The following GPR158 variants were observed in gnomAD, a reference collection of about 807,000 sequenced individuals.
The protein encoded by GPR158 is G protein-coupled receptor 158, also known as metabotropic glycine receptor.
In GPR158, 30 loss-of-function variants were observed where a neutral mutation model predicts 78.2. The observed-to-expected ratio is 0.38, with a 90% CI of 0.29 to 0.52. GPR158 has a LOEUF of 0.52. GPR158 is among the 20% of genes least tolerant of loss of function. GPR158 has a pLI of 0.83. For missense variants in GPR158, 1,463 were observed against 1,523.5 expected, an observed-to-expected ratio of 0.96 and a Z score of 0.66; for synonymous variants, 581 against 591.1, an observed-to-expected ratio of 0.98 and a Z score of 0.25.
chr10:25,525,989 C>A (rs955885121), intron 5 of GPR158, among the ~76,000 whole-genome samples: 1 of 151,370 alleles, frequency 6.6e-6, no homozygotes, highest in Admixed American at 6.6e-5. Flanking sequence ...GCTTGTAAAC[C>A]TAGCTACTTG....
intron 1 of GPR158, among the ~76,000 whole-genome samples, chr10:25,198,517 T>G (rs1213274696): frequency 1.3e-5 from 2 of 152,198 alleles, no homozygotes; most frequent in Non-Finnish European, 2.9e-5. Context: ...GTTACATTCT[T>G]GGAAAATAGA....
rs1239379922 is a variant in GPR158 at position 25,580,928 on chromosome 10, A to ATTT, written c.1753+8046_1753+8048dup. The stretch of plus-strand genomic sequence containing the variant: ...TTTTTATTTTATTTTATTTTATTTT[A>ATTT]TTTTTTTGAGACGGAGTCTCGCTCT... On this transcript the variant is annotated intron_variant, in intron 7 of 10. Coordinates refer to ENST00000376351, the MANE Select transcript of GPR158 (RefSeq NM_020752.3). Among the ~76,000 whole-genome samples the ATTT allele has an allele frequency of 1.4e-4, 16 of 115,932 alleles. 1 individual carries two copies. The highest frequency in any genetic ancestry group is 6.9e-4 in the African/African-American group (16 of 23,126). The allele number at this position is 115,932 out of a possible 152,430, so 76.1% of individuals were successfully genotyped here.
intron 2 of GPR158, among the ~76,000 whole-genome samples, chr10:25,391,219 G>A (rs1161032922): frequency 1.4e-5 from 1 of 73,480 alleles, no homozygotes; most frequent in Non-Finnish European, 3.3e-5. Context: ...GAAGGAAAAT[G>A]TGGGTGGGAA....
intron 4 of GPR158, among the ~76,000 whole-genome samples, chr10:25,439,365 A>G (rs1201695170): frequency 1.3e-5 from 2 of 152,168 alleles, no homozygotes; most frequent in East Asian, 3.9e-4. Flanking sequence ...AGCCGCCCCC[A>G]TGATTCAATT....
At position 25,599,399 on chromosome 10, in the gene GPR158, G is replaced by A. The variant is rs1837461937; in HGVS notation, c.*125G>A. 4.0e-6 allele frequency: 3 copies of A among 750,744 alleles called. No homozygotes were observed. Among genetic ancestry groups the A allele is most frequent in the Middle Eastern group, 3.0e-4 (1 of 3,294 alleles). The allele number at this position is 750,744 out of a possible 1,614,324, so 46.5% of individuals were successfully genotyped here. On this transcript the variant is annotated 3_prime_UTR_variant, in exon 11 of 11. Transcript: ENST00000376351. ...AAAACATGACAGATGGTGAGGTAAA[G>A]TCAAAGGCATGGGTAGAAGAGGACC...
At chr10:25,324,662 G>C (rs1365299399) in intron 2 of GPR158, among the ~76,000 whole-genome samples, 1 of 152,130 alleles carries the variant, frequency 6.6e-6, no homozygotes, top group African/African-American at 2.4e-5. Context: ...TCAATGCATA[G>C]TTGCCACAAA....
At chr10:25,580,907 T>C (rs1306154599) in intron 7 of GPR158, among the ~76,000 whole-genome samples, 4 of 96,104 alleles carry the variant, frequency 4.2e-5, no homozygotes, top group African/African-American at 2.3e-4. Context: ...TTTATTTTTT[T>C]ATTTTATTTT....
chr10:25,497,806 G>A (rs1288970604), intron 5 of GPR158, among the ~76,000 whole-genome samples: 2 of 152,164 alleles, frequency 1.3e-5, no homozygotes, highest in Admixed American at 6.5e-5. Flanking sequence ...AGGGAACAAA[G>A]AAGAGTACCC....
Position 25,466,640 on chromosome 10 carries a change from T to G in GPR158, c.1336-11T>G, listed in dbSNP as rs747874403. Reference sequence around the variant, plus strand: ...TAAGTTAGTAATGACGTTTTTATTTTGTTTTTTCAGAGCATCCGGGCATCG... The same window carrying G: ...TAAGTTAGTAATGACGTTTTTATTTGGTTTTTTCAGAGCATCCGGGCATCG... On this transcript the variant is annotated splice_polypyrimidine_tract_variant and intron_variant, in intron 4 of 10. Coordinates refer to ENST00000376351, the MANE Select transcript of GPR158 (RefSeq NM_020752.3). The G allele has an allele frequency of 6.3e-7, 1 of 1,589,064 alleles. No individual in the cohort carries two copies. The highest frequency in any genetic ancestry group is 1.7e-5 in the Admixed American group (1 of 57,338).
intron 2 of GPR158, among the ~76,000 whole-genome samples, chr10:25,261,218 C>T (rs573699657): frequency 3.3e-5 from 5 of 152,258 alleles, no homozygotes; most frequent in Non-Finnish European, 7.4e-5. Flanking sequence ...TTAAGAACAA[C>T]TGCTTAAATT....
intron 2 of GPR158, among the ~76,000 whole-genome samples, chr10:25,325,911 T>A (rs944954217): frequency 2.0e-5 from 3 of 152,224 alleles, no homozygotes; most frequent in African/African-American, 7.2e-5. Context: ...TATTTTTTTT[T>A]TTTTTGAGAA....
At position 25,175,358 on chromosome 10, in the gene GPR158, C is replaced by G. The variant is rs1338739332; in HGVS notation, c.-63C>G. ...AAAAGTCTGACTGTTGAGAAACTGA[C>G]GATCCAAATTTAAAAAGTGATTCCC... is the stretch of plus-strand genomic sequence containing the variant. On this transcript the variant is annotated 5_prime_UTR_variant, in exon 1 of 11. Coordinates refer to ENST00000376351, the MANE Select transcript of GPR158 (RefSeq NM_020752.3). This position sits in a 1 kb window ranked among gnomAD's most constrained non-coding sequence, Gnocchi z 6.4. 4 of 1,013,812 alleles carry G rather than the reference C, an allele frequency of 3.9e-6. No individual in the cohort carries two copies. The highest frequency in any genetic ancestry group is 2.4e-5 in the East Asian group (1 of 41,390). The allele number at this position is 1,013,812 out of a possible 1,614,324, so 62.8% of individuals were successfully genotyped here.
intron 7 of GPR158, among the ~76,000 whole-genome samples, chr10:25,581,070 G>A (rs71495469): frequency 0.09 from 13,489 of 149,960 alleles, 790 homozygotes; most frequent in African/African-American, 0.16. Flanking sequence ...GACTACAGGC[G>A]CCCGCCACCG....
intron 4 of GPR158, among the ~76,000 whole-genome samples, chr10:25,425,803 G>A (rs780054280): frequency 2.6e-5 from 4 of 152,072 alleles, no homozygotes; most frequent in African/African-American, 4.8e-5. Context: ...CATATAGGTT[G>A]GCTATCCAGC....
At chr10:25,502,880 A>G (rs1835960637) in intron 5 of GPR158, among the ~76,000 whole-genome samples, 1 of 152,216 alleles carries the variant, frequency 6.6e-6, no homozygotes, top group Admixed American at 6.5e-5. Context: ...TTACAAAAAA[A>G]GGGCACCAAA....
At chr10:25,251,259 C>G (rs1853794207) in intron 2 of GPR158, among the ~76,000 whole-genome samples, 1 of 152,074 alleles carries the variant, frequency 6.6e-6, no homozygotes. Flanking sequence ...GGTCTTGACT[C>G]TTTATCCAAT....
In GPR158 at chr10:25,405,498, CTTTTTTTTTTTTTTT is replaced by C. The variant is rs59695469; in HGVS notation, c.1112-6736_1112-6722del. Among the ~76,000 whole-genome samples the C allele has an allele frequency of 8.8e-5, 4 of 45,532 alleles. 1 individual carries two copies. The Admixed American group carries it at 9.7e-4, about 11-fold the overall frequency. The allele number at this position is 45,532 out of a possible 152,430, so 29.9% of individuals were successfully genotyped here. On this transcript the variant is annotated intron_variant, in intron 3 of 10. Coordinates refer to ENST00000376351, the MANE Select transcript of GPR158 (RefSeq NM_020752.3). ...AAAATCTGACAAGAGAAACAATTTC[CTTTTTTTTTTTTTTT>C]TTTTTTTTTTTTTTTGCTAGCATGA...
chr10:25,249,214 G>A (rs1487867096), intron 2 of GPR158, among the ~76,000 whole-genome samples: 1 of 152,100 alleles, frequency 6.6e-6, no homozygotes, highest in Non-Finnish European at 1.5e-5. Context: ...ATTTTGGGCT[G>A]AGACAATGGG....
chr10:25,291,281 A>G (rs1390485499), intron 2 of GPR158, among the ~76,000 whole-genome samples: 1 of 152,060 alleles, frequency 6.6e-6, no homozygotes, highest in Non-Finnish European at 1.5e-5. Context: ...AAAATATGTC[A>G]TTAGCTATTA....
Sources: gnomAD v4.1 joint callset for allele counts (sites outside exome capture counted in the v4.1 genomes callset) on GRCh38, gnomAD v4.1.1 for gene constraint, Gnocchi (gnomAD v3.1) non-coding constraint, MANE v1.5 for transcripts, NCBI Gene and HGNC (gene_info 2026-07-23, HGNC 2026-07-21) for gene names.